Variants in BICD1 observed in about 807,000 individuals in gnomAD.
The protein encoded by BICD1 is protein bicaudal D homolog 1.
In BICD1, 35 loss-of-function variants were observed where a neutral mutation model predicts 92.5. The ratio of observed to expected loss-of-function variants is 0.38; its 90% CI spans 0.29 to 0.50. The LOEUF is 0.50. Ranked by LOEUF, BICD1 falls within the 20% of genes least tolerant of loss-of-function variation. The pLI is 0.93. For missense variants in BICD1, 950 were observed against 1,189.8 expected (o/e 0.80, Z 2.97); for synonymous variants, 429 against 465.1 (o/e 0.92, Z 1.00).
chr12:32,141,523 G>A (rs774939809), intron 1 of BICD1, among the ~76,000 whole-genome samples: 63 of 152,064 alleles, frequency 4.1e-4, no homozygotes, highest in Non-Finnish European at 7.8e-4. Flanking sequence ...GCCCAGGCTG[G>A]AGTGCAGTGG....
chr12:32,373,419 T>C (rs563574433), intron 9 of BICD1, among the ~76,000 whole-genome samples: 2 of 152,292 alleles, frequency 1.3e-5, no homozygotes, highest in Admixed American at 1.3e-4. Context: ...CTATAGATAA[T>C]AACTTTATGT....
At chr12:32,228,350 T>TCTATTTCTGGAATCTGTATTCTG (rs1277211892) in intron 2 of BICD1, among the ~76,000 whole-genome samples, 3 of 152,232 alleles carry the variant, frequency 2.0e-5, no homozygotes, top group Admixed American at 2.0e-4. Context: ...TTTGTGTAGG[T>TCTATTTCTGGAATCTGTATTCTG]CTATTTCTGG....
chr12:32,230,722 A>AC (rs1945859564), intron 2 of BICD1, among the ~76,000 whole-genome samples: 1 of 152,186 alleles, frequency 6.6e-6, no homozygotes, highest in Admixed American at 6.5e-5. Context: ...GTCTCACCTC[A>AC]CTTTCCAGCC....
intron 8 of BICD1, chr12:32,339,336 C>T (rs538084867): frequency 7.0e-6 from 7 of 1,002,834 alleles, no homozygotes; most frequent in South Asian, 9.2e-5. Context: ...TCTCTCTTAT[C>T]GTTTTTAATG....
intron 9 of BICD1, among the ~76,000 whole-genome samples, chr12:32,368,357 T>TA (rs1270732113): frequency 6.6e-6 from 1 of 151,922 alleles, no homozygotes; most frequent in African/African-American, 2.4e-5. Context: ...AACCTGTTGC[T>TA]AAAAAACAAA....
At chr12:32,263,204 G>T (rs1332556482) in intron 2 of BICD1, among the ~76,000 whole-genome samples, 1 of 151,778 alleles carries the variant, frequency 6.6e-6, no homozygotes, top group Admixed American at 6.6e-5. Context: ...TGAGACAATG[G>T]GTGACCATAC....
chr12:32,301,446 A>G (rs1157352346), intron 3 of BICD1, among the ~76,000 whole-genome samples: 1 of 152,078 alleles, frequency 6.6e-6, no homozygotes, highest in Non-Finnish European at 1.5e-5. Flanking sequence ...AATGACCACA[A>G]GCAGCTTATA....
At chr12:32,334,753 T>G (rs1233617613) in intron 6 of BICD1, 86 bp downstream of exon 6, 2 of 1,445,394 alleles carry the variant, frequency 1.4e-6, no homozygotes, top group Non-Finnish European at 1.9e-6. Context: ...GCATGTTGAG[T>G]GTATTCGGTG....
At chr12:32,367,832 C>T (rs755485650) in intron 9 of BICD1, 87 bp downstream of exon 9, 10 of 1,182,092 alleles carry the variant, frequency 8.5e-6, no homozygotes, top group East Asian at 7.2e-5. Context: ...GAACTGCCTA[C>T]GCATCATTGT....
At chr12:32,142,356 A>C (rs1481598853) in intron 1 of BICD1, among the ~76,000 whole-genome samples, 5 of 137,086 alleles carry the variant, frequency 3.6e-5, no homozygotes, top group Non-Finnish European at 7.7e-5. Flanking sequence ...CAGTGAGCTG[A>C]GATCGTGTCA....
rs1940168640 is a variant in BICD1, at chr12:32,381,279, C to A, written c.*3652C>A. 6.6e-6 allele frequency: 1 copy of A among 151,906 alleles called. No homozygotes were observed. The highest frequency in any genetic ancestry group is 1.5e-5 in the Non-Finnish European group (1 of 67,950). 9.4% of individuals were successfully genotyped at this position (151,906 alleles called of 1,614,324 possible). On this transcript the variant is annotated 3_prime_UTR_variant, in exon 10 of 10. Coordinates refer to ENST00000652176, the MANE Select transcript of BICD1 (RefSeq NM_001714.4). ...ATATAGGACTTTTACTAAAAAAATT[C>A]AATTGTCAGAGTCTAAAAAAACAAT...
rs199979324 is a variant in BICD1, at chr12:32,107,299, C to T, written c.-33C>T. On this transcript the variant is annotated 5_prime_UTR_variant, in exon 1 of 10. Coordinates refer to ENST00000652176, the MANE Select transcript of BICD1 (RefSeq NM_001714.4). The stretch of plus-strand genomic sequence containing the variant: ...AGCTTCGCATCCATCTCCCCCACCC[C>T]GTAACCCCCTCCTGCCTCCATCCAC... The T allele has an allele frequency of 5.0e-5, 78 of 1,550,538 alleles. No individual in the cohort carries two copies. The highest frequency in any genetic ancestry group is 6.1e-5 in the Non-Finnish European group (70 of 1,140,260).
intron 1 of BICD1, among the ~76,000 whole-genome samples, chr12:32,187,731 C>T (rs1442078254): frequency 2.0e-5 from 3 of 152,016 alleles, no homozygotes; most frequent in Non-Finnish European, 4.4e-5. Flanking sequence ...ACTGGGGACT[C>T]CAAAAGAAGG....
intron 1 of BICD1, among the ~76,000 whole-genome samples, chr12:32,199,895 A>G (rs1944855865): frequency 6.6e-6 from 1 of 151,522 alleles, no homozygotes. Context: ...TTCCTTTGTT[A>G]TTTTGTTATG....
At chr12:32,261,860 G>A (rs1414168275) in intron 2 of BICD1, among the ~76,000 whole-genome samples, 1 of 152,218 alleles carries the variant, frequency 6.6e-6, no homozygotes, top group East Asian at 1.9e-4. Context: ...AGAAAGGGTT[G>A]AAGCAGGAGA....
chr12:32,358,685 C>T (rs552965418), intron 8 of BICD1, among the ~76,000 whole-genome samples: 6 of 151,808 alleles, frequency 4.0e-5, no homozygotes, highest in Non-Finnish European at 7.4e-5. Context: ...TGCAGTGAGC[C>T]GAGATTGCAC....
intron 1 of BICD1, among the ~76,000 whole-genome samples, chr12:32,179,089 A>G (rs916264666): frequency 2.6e-5 from 4 of 152,014 alleles, no homozygotes; most frequent in Non-Finnish European, 5.9e-5. Flanking sequence ...AGAGCACTAT[A>G]TATTTCATAG....
intron 1 of BICD1, among the ~76,000 whole-genome samples, chr12:32,148,755 C>T (rs553483373): frequency 2.0e-5 from 3 of 152,254 alleles, no homozygotes; most frequent in African/African-American, 7.2e-5. Context: ...GACAGTGGCT[C>T]ATGCCTGTAA....
chr12:32,312,213 C>T (rs1293471974), intron 4 of BICD1, among the ~76,000 whole-genome samples: 1 of 152,010 alleles, frequency 6.6e-6, no homozygotes, highest in Non-Finnish European at 1.5e-5. Context: ...CAAAACAAAA[C>T]AAAAATCAGG....
Sources: allele counts gnomAD v4.1 joint callset (sites outside exome capture counted in the v4.1 genomes callset), GRCh38; gene constraint gnomAD v4.1.1; transcripts MANE v1.5; gene names NCBI Gene and HGNC (gene_info 2026-07-23, HGNC 2026-07-21).